TBC1D1: variants seen among roughly 807,000 people sequenced by gnomAD.
The protein encoded by TBC1D1 is TBC1 domain family member 1, also known as TBC1 (tre-2/USP6, BUB2, cdc16) domain family, member 1.
In TBC1D1, 89 loss-of-function variants were observed where a neutral mutation model predicts 125.6. The ratio of observed to expected loss-of-function variants is 0.71; its 90% confidence interval spans 0.60 to 0.85. The LOEUF is 0.85. TBC1D1 is among the 40% of genes least tolerant of loss of function. The probability of loss-of-function intolerance (pLI) is 0.00; values close to 1 mark genes in which losing one functional copy is unlikely to be tolerated. For synonymous variants in TBC1D1, 565 were observed against 564.1 expected (o/e 1.00, Z -0.02); for missense variants, 1,377 against 1,469.2 (o/e 0.94, Z 1.03).
rs569682750 is a variant in TBC1D1, at chr4:37,952,423, A to G, written c.417+49911A>G. On this transcript the variant is annotated intron_variant, in intron 2 of 19. Transcript: ENST00000261439. ...ACTGGATAAAGAAAATGTGGTACAT[A>G]CACACCATGGAATACTATGCAGCCA... The G allele has an allele frequency of 6.2e-5, 18 of 289,266 alleles. No individual in the cohort carries two copies. In the South Asian group the frequency reaches 6.8e-4, roughly 11 times the overall value. The allele number at this position is 289,266 out of a possible 1,614,324, so 17.9% of individuals were successfully genotyped here.
chr4:38,035,397 A>T (rs1191429321), intron 7 of TBC1D1, among the ~76,000 whole-genome samples, 191 bp from the exon 8 acceptor site: 1 of 152,218 alleles, frequency 6.6e-6, no homozygotes, highest in Non-Finnish European at 1.5e-5. Flanking sequence ...TGAAAAGCTA[A>T]ATCTGGCCCA....
intron 2 of TBC1D1, among the ~76,000 whole-genome samples, chr4:37,919,041 A>G (rs1720338783): frequency 6.6e-6 from 1 of 152,058 alleles, no homozygotes. Context: ...GTTGTGCAAG[A>G]AAATGATTCC....
rs762271509 is a variant in TBC1D1 at position 38,049,794 on chromosome 4, C to T, written c.1806C>T (p.Ile602=). Reference sequence around the variant, plus strand: ...CAAACACCCTGAGTCACTTCCCCATCGAATGCCAGGAACCTCCACAACCTG... The same window carrying T: ...CAAACACCCTGAGTCACTTCCCCATTGAATGCCAGGAACCTCCACAACCTG... The change falls in exon 11 of 20, where the codon ATC becomes ATT. Residue 602 remains isoleucine, a synonymous_variant. Coordinates refer to ENST00000261439, the MANE Select transcript of TBC1D1 (RefSeq NM_015173.4). 5.6e-6 allele frequency: 9 copies of T among 1,614,062 alleles called. No homozygotes were observed. Among genetic ancestry groups the T allele is most frequent in the African/African-American group, 4.0e-5 (3 of 74,934 alleles).
In TBC1D1 at chr4:37,977,379, GGGGAGAGCGATGCCCCGGCC is replaced by G; in HGVS notation, c.418-37129_418-37110del. The stretch of plus-strand genomic sequence containing the variant: ...GCCCGCCGCCGCCGCCGCCGCCGCC[GGGGAGAGCGATGCCCCGGCC>G]CCGCCGCTCCCCAAGCCCGCCCCCG... On this transcript the variant is annotated intron_variant, in intron 2 of 19. Transcript: ENST00000261439. This position sits in a 1 kb window ranked among gnomAD's most constrained non-coding sequence, Gnocchi z 4.3. 1 of 412,108 alleles carries G rather than the reference GGGGAGAGCGATGCCCCGGCC, an allele frequency of 2.4e-6. No individual in the cohort carries two copies. Among genetic ancestry groups the G allele is most frequent in the African/African-American group, 2.2e-5 (1 of 45,962 alleles). The allele number at this position is 412,108 out of a possible 1,614,324, so 25.5% of individuals were successfully genotyped here.
At chr4:38,022,196 A>T (rs1221938631) in intron 6 of TBC1D1, among the ~76,000 whole-genome samples, 1 of 152,212 alleles carries the variant, frequency 6.6e-6, no homozygotes, top group Non-Finnish European at 1.5e-5. Context: ...GGAAGAAATC[A>T]AAGAAACGGT....
intron 7 of TBC1D1, among the ~76,000 whole-genome samples, chr4:38,035,100 T>C (rs896575555): frequency 2.6e-5 from 4 of 152,174 alleles, no homozygotes; most frequent in Admixed American, 6.5e-5. Flanking sequence ...GAAATGTACA[T>C]GCCATGAAGT....
intron 12 of TBC1D1, among the ~76,000 whole-genome samples, chr4:38,077,442 A>G (rs1755784227): frequency 6.6e-6 from 1 of 152,200 alleles, no homozygotes; most frequent in African/African-American, 2.4e-5. Flanking sequence ...TGCAAATGCT[A>G]TTTTGTGGCA....
intron 2 of TBC1D1, among the ~76,000 whole-genome samples, chr4:37,976,133 TG>T (rs1733021342): frequency 6.6e-6 from 1 of 152,224 alleles, no homozygotes; most frequent in African/African-American, 2.4e-5. Flanking sequence ...TCACTTGTGC[TG>T]GGGGATACAA....
chr4:38,127,350 A>G (rs1402344015), intron 18 of TBC1D1, among the ~76,000 whole-genome samples: 2 of 139,070 alleles, frequency 1.4e-5, no homozygotes, highest in African/African-American at 5.4e-5. Flanking sequence ...CTATCTGGCT[A>G]TTTGGAAGTT....
At chr4:38,135,880 GTGTGTGTATATA>G (rs1184158377) in intron 19 of TBC1D1, among the ~76,000 whole-genome samples, 2 of 151,044 alleles carry the variant, frequency 1.3e-5, no homozygotes, top group African/African-American at 4.9e-5. Context: ...ATATGTGTGT[GTGTGTGTATATA>G]TGTGTGTGTG....
chr4:37,960,034 T>C (rs913502515), intron 2 of TBC1D1, among the ~76,000 whole-genome samples: 1 of 152,248 alleles, frequency 6.6e-6, no homozygotes, highest in East Asian at 1.9e-4. Flanking sequence ...AGTGAAATAA[T>C]GTATGCAAAA....
At chr4:38,015,372 C>A (rs1444834367) in intron 3 of TBC1D1, among the ~76,000 whole-genome samples, 1 of 152,016 alleles carries the variant, frequency 6.6e-6, no homozygotes, top group African/African-American at 2.4e-5. Flanking sequence ...AACATTTACC[C>A]TTTGCTAATC....
At chr4:38,017,137 A>G (rs182694757) in intron 3 of TBC1D1, among the ~76,000 whole-genome samples, 2 of 152,206 alleles carry the variant, frequency 1.3e-5, no homozygotes, top group African/African-American at 4.8e-5. Context: ...ATAGCTAAGT[A>G]ATAATGCCTT....
chr4:37,986,692 T>C (rs1735540522), intron 2 of TBC1D1, among the ~76,000 whole-genome samples: 2 of 152,256 alleles, frequency 1.3e-5, no homozygotes, highest in Admixed American at 6.5e-5. Flanking sequence ...GTGATCTGCC[T>C]GCCTCAAGTG....
intron 2 of TBC1D1, among the ~76,000 whole-genome samples, chr4:37,987,473 A>G (rs890608675): frequency 1.2e-4 from 19 of 152,364 alleles, no homozygotes; most frequent in Admixed American, 2.6e-4. Flanking sequence ...AAACAAGGGC[A>G]GCAGAGCTTA....
intron 2 of TBC1D1, among the ~76,000 whole-genome samples, chr4:38,004,676 T>C (rs1200027966): frequency 6.6e-6 from 1 of 152,186 alleles, no homozygotes; most frequent in African/African-American, 2.4e-5. Context: ...TTAAAAAAAT[T>C]GGTAAATTAC....
In TBC1D1 at chr4:38,137,231, G is replaced by A; in HGVS notation, c.3403G>A (p.Glu1135Lys). The A allele has an allele frequency of 6.2e-7, 1 of 1,612,532 alleles. No homozygotes were observed. The highest frequency in any genetic ancestry group is 1.3e-5 in the African/African-American group (1 of 74,982). ...GCAGGCCATGCTTACCTTAGAACTG[G>A]AGCGGTCGGCCCTGCTGCAGACGGT... Residue 1135 changes from glutamate (E) to lysine (K), a missense_variant, in exon 20 of 20, where the codon GAG becomes AAG. Glu to Lys is a moderately conservative substitution (Grantham distance 56). Around this residue, in one of 3 missense-constraint regions of TBC1D1, gnomAD observed 543 missense variants for 613.5 expected, o/e 0.89. Transcript: ENST00000261439.
chr4:38,051,662 A>G (rs1461873454), intron 11 of TBC1D1, among the ~76,000 whole-genome samples: 2 of 152,096 alleles, frequency 1.3e-5, no homozygotes. Flanking sequence ...TTGGGAGCAT[A>G]AACACGTGGG....
intron 2 of TBC1D1, among the ~76,000 whole-genome samples, chr4:37,954,473 A>G (rs969205879): frequency 5.9e-5 from 9 of 152,124 alleles, no homozygotes; most frequent in Admixed American, 3.9e-4. Context: ...GTCTACGTCT[A>G]TTGTCTGAAC....
Sources: allele counts gnomAD v4.1 joint callset (sites outside exome capture counted in the v4.1 genomes callset), GRCh38; gene constraint gnomAD v4.1.1; regional missense constraint gnomAD v4.1.1; non-coding constraint Gnocchi (gnomAD v3.1); transcripts MANE v1.5; gene names NCBI Gene and HGNC (gene_info 2026-07-23, HGNC 2026-07-21).